KIRREL3: variants seen among roughly 807,000 people sequenced by gnomAD.
KIRREL3 encodes the protein kirre like nephrin family adhesion molecule 3, also known as kin of IRRE-like protein 3.
A neutral mutation model predicts 89.7 loss-of-function variants in KIRREL3; 36 were observed. The ratio of observed to expected loss-of-function variants is 0.40; its 90% confidence interval spans 0.31 to 0.53. KIRREL3 has a LOEUF of 0.53. KIRREL3 is among the 20% of genes least tolerant of loss of function. The pLI is 0.49. For missense variants in KIRREL3, 864 were observed against 1,056.6 expected (o/e 0.82, Z 2.53); for synonymous variants, 445 against 441.4 (o/e 1.01, Z -0.10).
chr11:126,591,535 G>T lies in KIRREL3; in HGVS notation c.56-28623C>A, dbSNP rs571777748. 4.6e-5 allele frequency among the ~76,000 whole-genome samples: 7 copies of T among 152,282 alleles called. No individual in the cohort carries two copies. In the South Asian group the frequency reaches 1.0e-3, roughly 23 times the overall value. On this transcript the variant is annotated intron_variant, in intron 1 of 16. Transcript: ENST00000525144. ...ACATCTTGCCCAAGATCTCAGACAT[G>T]CTCTTCCTGTCCAGCCTTGTGTATA...
chr11:126,577,720 C>A (rs558226652), intron 1 of KIRREL3, among the ~76,000 whole-genome samples: 1 of 151,646 alleles, frequency 6.6e-6, no homozygotes, highest in African/African-American at 2.4e-5. Flanking sequence ...TGAGATTGTG[C>A]CACTGCACTC....
At chr11:126,889,342 G>T (rs954102244) in intron 1 of KIRREL3, among the ~76,000 whole-genome samples, 1 of 151,938 alleles carries the variant, frequency 6.6e-6, no homozygotes, top group African/African-American at 2.4e-5. Flanking sequence ...CTTTTGGCTG[G>T]CTTCTTTCAC....
chr11:126,821,965 G>A (rs1943241846), intron 1 of KIRREL3, among the ~76,000 whole-genome samples: 1 of 152,176 alleles, frequency 6.6e-6, no homozygotes, highest in Non-Finnish European at 1.5e-5. Flanking sequence ...AATGCATTTT[G>A]GACTTCCGAC....
In KIRREL3 at chr11:126,860,044, C is replaced by T. The variant is rs1180185538; in HGVS notation, c.55+140411G>A. 6.6e-6 allele frequency among the ~76,000 whole-genome samples: 1 copy of T among 152,056 alleles called. No homozygotes were observed. The highest frequency in any genetic ancestry group is 1.9e-4 in the East Asian group (1 of 5,190). On this transcript the variant is annotated intron_variant, in intron 1 of 16. Transcript: ENST00000525144. This position sits in a 1 kb window ranked among gnomAD's most constrained non-coding sequence, Gnocchi z 4.6. ...TGACGTTCTACTATTGTCTGAGAAG[C>T]GTAATCTGAAAGGGGACAGACATTT...
At chr11:126,712,763 G>A (rs1314969224) in intron 1 of KIRREL3, among the ~76,000 whole-genome samples, 2 of 152,196 alleles carry the variant, frequency 1.3e-5, no homozygotes, top group Non-Finnish European at 2.9e-5. Context: ...TGGAGACAGT[G>A]CTTTTGGCCA....
At chr11:126,548,824 G>A (rs1007565190) in intron 2 of KIRREL3, among the ~76,000 whole-genome samples, 7 of 152,156 alleles carry the variant, frequency 4.6e-5, no homozygotes, top group East Asian at 3.9e-4. Context: ...AGGCAATGAC[G>A]TCAGTGGGCT....
At chr11:126,702,509 A>C (rs1466867161) in intron 1 of KIRREL3, among the ~76,000 whole-genome samples, 3 of 152,184 alleles carry the variant, frequency 2.0e-5, no homozygotes, top group Non-Finnish European at 4.4e-5. Context: ...GAGGTGGAGG[A>C]GGGCAGATCT....
rs769934232 is a variant in KIRREL3 at position 126,981,148 on chromosome 11, C to T, written c.55+19307G>A. Among the ~76,000 whole-genome samples, 9 of 152,230 alleles carry T rather than the reference C, an allele frequency of 5.9e-5. No homozygotes were observed. The highest frequency in any genetic ancestry group is 1.9e-4 in the East Asian group (1 of 5,194). On this transcript the variant is annotated intron_variant, in intron 1 of 16. Coordinates refer to ENST00000525144, the MANE Select transcript of KIRREL3 (RefSeq NM_032531.4). The surrounding 1 kb of genome is among the most constrained non-coding windows in gnomAD (Gnocchi z 4.2). ...GATATTTGAAGCCTAATACCACAAACGTACCTCTCTGGACAAACTGTCACC... is the reference window on the plus strand; with the variant it reads ...GATATTTGAAGCCTAATACCACAAATGTACCTCTCTGGACAAACTGTCACC...
rs1946495769 is a variant in KIRREL3 at position 126,682,359 on chromosome 11, G to A, written c.56-119447C>T. Among the ~76,000 whole-genome samples the A allele has an allele frequency of 6.6e-6, 1 of 152,150 alleles. No individual in the cohort carries two copies. Among genetic ancestry groups the A allele is most frequent in the African/African-American group, 2.4e-5 (1 of 41,428 alleles). On this transcript the variant is annotated intron_variant, in intron 1 of 16. Transcript: ENST00000525144. The surrounding 1 kb of genome is among the most constrained non-coding windows in gnomAD (Gnocchi z 4.8). ...TCTCTGAAGCACAGTTTCCTCATCTGCAAAATGAGGATGATAATATCCTCC... is the reference window on the plus strand; with the variant it reads ...TCTCTGAAGCACAGTTTCCTCATCTACAAAATGAGGATGATAATATCCTCC...
rs1487533775 is a variant in KIRREL3, at chr11:126,636,605, C to A, written c.56-73693G>T. Among the ~76,000 whole-genome samples the A allele has an allele frequency of 6.6e-6, 1 of 152,210 alleles. No individual in the cohort carries two copies. The highest frequency in any genetic ancestry group is 1.5e-5 in the Non-Finnish European group (1 of 68,032). Reference sequence around the variant, plus strand: ...TCTGAGTCTTACCTTAGTCTCCTGTCTTTTCTTCTGCCCTCCTGGACCCAG... The same window carrying A: ...TCTGAGTCTTACCTTAGTCTCCTGTATTTTCTTCTGCCCTCCTGGACCCAG... On this transcript the variant is annotated intron_variant, in intron 1 of 16. Transcript: ENST00000525144. The surrounding 1 kb of genome is among the most constrained non-coding windows in gnomAD (Gnocchi z 4.4).
At position 126,455,779 on chromosome 11, in the gene KIRREL3, A is replaced by C. The variant is rs1956316278; in HGVS notation, c.848+570T>G. 6.6e-6 allele frequency among the ~76,000 whole-genome samples: 1 copy of C among 152,188 alleles called. No homozygotes were observed. The highest frequency in any genetic ancestry group is 1.5e-5 in the Non-Finnish European group (1 of 68,028). ...GCCACTGCACTCCAGCCTGGGTGAC[A>C]GAGCGAGACTCTGTCTCAAAACAAA... On this transcript the variant is annotated intron_variant, in intron 7 of 16. Coordinates refer to ENST00000525144, the MANE Select transcript of KIRREL3 (RefSeq NM_032531.4). The surrounding 1 kb of genome is among the most constrained non-coding windows in gnomAD (Gnocchi z 6.4).
chr11:126,493,735 C>T (rs1292566692), intron 4 of KIRREL3, among the ~76,000 whole-genome samples: 2 of 151,932 alleles, frequency 1.3e-5, no homozygotes, highest in Admixed American at 1.3e-4. Context: ...CAGCCCCCCT[C>T]ACCCACAGCA....
At chr11:126,745,459 A>AAAACAAAC (rs67307715) in intron 1 of KIRREL3, among the ~76,000 whole-genome samples, 31,164 of 138,766 alleles carry the variant, frequency 0.22, 3,732 homozygotes, top group African/African-American at 0.34. Context: ...ATCAAGATGG[A>AAAACAAAC]AAACAAACAA....
In KIRREL3 at chr11:126,940,627, A is replaced by G. The variant is rs1047834648; in HGVS notation, c.55+59828T>C. The G allele has an allele frequency of 6.6e-6, 1 of 152,074 alleles. No individual in the cohort carries two copies. Among genetic ancestry groups the G allele is most frequent in the African/African-American group, 2.4e-5 (1 of 41,406 alleles). The allele number at this position is 152,074 out of a possible 1,614,324, so 9.4% of individuals were successfully genotyped here. Reference sequence around the variant, plus strand: ...TTTCACCCTTCTCAGCCATACCTGGAAGTGGCCATTCATTTTTACATTCTA... The same window carrying G: ...TTTCACCCTTCTCAGCCATACCTGGGAGTGGCCATTCATTTTTACATTCTA... On this transcript the variant is annotated intron_variant, in intron 1 of 16. Coordinates refer to ENST00000525144, the MANE Select transcript of KIRREL3 (RefSeq NM_032531.4). This position sits in a 1 kb window ranked among gnomAD's most constrained non-coding sequence, Gnocchi z 4.6.
chr11:126,644,186 T>A (rs4937168), intron 1 of KIRREL3, among the ~76,000 whole-genome samples: 71,172 of 152,068 alleles, frequency 0.47, 17,759 homozygotes, highest in East Asian at 0.73. Flanking sequence ...AGATCCAGTG[T>A]ATAGTGGGCT....
intron 10 of KIRREL3, among the ~76,000 whole-genome samples, chr11:126,442,690 C>T (rs913975230): frequency 2.0e-5 from 3 of 152,252 alleles, no homozygotes; most frequent in Admixed American, 6.5e-5. Context: ...ATCCACTGGG[C>T]GTCCCCCCTC....
chr11:126,650,175 C>G (rs1293920241), intron 1 of KIRREL3, among the ~76,000 whole-genome samples: 1 of 152,222 alleles, frequency 6.6e-6, no homozygotes, highest in Admixed American at 6.5e-5. Context: ...CCCATGAAAC[C>G]ATTTTCTCCT....
intron 1 of KIRREL3, among the ~76,000 whole-genome samples, chr11:126,598,303 C>T (rs550470634): frequency 6.6e-6 from 1 of 152,214 alleles, no homozygotes; most frequent in Non-Finnish European, 1.5e-5. Context: ...GTGCTATTTG[C>T]CTACCTAATA....
intron 2 of KIRREL3, among the ~76,000 whole-genome samples, chr11:126,540,368 C>T (rs1002836040): frequency 6.6e-6 from 1 of 152,180 alleles, no homozygotes; most frequent in Non-Finnish European, 1.5e-5. Flanking sequence ...GGCACATTCC[C>T]CTATGCTTGT....
Sources: allele counts gnomAD v4.1 joint callset (sites outside exome capture counted in the v4.1 genomes callset), GRCh38; gene constraint gnomAD v4.1.1; non-coding constraint Gnocchi (gnomAD v3.1); transcripts MANE v1.5; gene names NCBI Gene and HGNC (gene_info 2026-07-23, HGNC 2026-07-21).